The following GABRG3 variants were observed in gnomAD, a reference collection of about 807,000 sequenced individuals.
The protein encoded by GABRG3 is gamma-aminobutyric acid type A receptor subunit gamma3, also known as gamma-aminobutyric acid receptor subunit gamma-3.
Under a neutral mutation model 48.8 loss-of-function variants are expected in GABRG3, and 25 were observed. The ratio of observed to expected loss-of-function variants is 0.51; its 90% CI spans 0.37 to 0.72. The LOEUF (loss-of-function observed/expected upper bound fraction) is 0.72, where lower values mean the gene tolerates loss of function less well. Ranked by LOEUF, GABRG3 falls within the 30% of genes least tolerant of loss-of-function variation. The probability of loss-of-function intolerance (pLI) is 0.00; values close to 1 mark genes in which losing one functional copy is unlikely to be tolerated. For synonymous variants in GABRG3, 227 were observed against 217.6 expected (o/e 1.04, Z -0.38); for missense variants, 394 against 577.9 (o/e 0.68, Z 3.26).
chr15:27,339,296 A>G (rs1284092228), intron 5 of GABRG3, among the ~76,000 whole-genome samples: 1 of 152,190 alleles, frequency 6.6e-6, no homozygotes, highest in Non-Finnish European at 1.5e-5. Flanking sequence ...TCTTAAATCC[A>G]CAAACTCTGG....
chr15:27,317,593 C>T (rs907245249), intron 3 of GABRG3, among the ~76,000 whole-genome samples: 1 of 152,166 alleles, frequency 6.6e-6, no homozygotes, highest in Non-Finnish European at 1.5e-5. Context: ...TAAGCATGTT[C>T]AGTCTAAATA....
intron 3 of GABRG3, among the ~76,000 whole-genome samples, chr15:27,172,361 T>G (rs1189820473): frequency 6.6e-6 from 1 of 152,142 alleles, no homozygotes; most frequent in Non-Finnish European, 1.5e-5. Flanking sequence ...CTTAGTGGCT[T>G]TCTTGGCTCT....
At chr15:27,312,319 A>C (rs1181225858) in intron 3 of GABRG3, among the ~76,000 whole-genome samples, 1 of 152,156 alleles carries the variant, frequency 6.6e-6, no homozygotes, top group Non-Finnish European at 1.5e-5. Context: ...AGACATTATC[A>C]AGCAGATCAT....
rs775440135 is a variant in GABRG3 at position 27,527,596 on chromosome 15, T to C, written c.1029T>C (p.Cys343=). 1.9e-6 allele frequency: 3 copies of C among 1,612,702 alleles called. No homozygotes were observed. In the African/African-American group the frequency reaches 4.0e-5, roughly 22 times the overall value. The stretch of plus-strand genomic sequence containing the variant: ...CCACCCTCAACTACTATTCCAGCTG[T>C]AGAAAACCAACCACCACGAAGAAGA... The part of the protein sequence containing the change: ...EYATLNYYSS[C]RKPTTTKKTT... The change falls in exon 8 of 10, where the codon TGT becomes TGC. Residue 343 remains cysteine, a synonymous_variant. Transcript: ENST00000615808.
intron 3 of GABRG3, among the ~76,000 whole-genome samples, chr15:27,142,810 G>C (rs535759903): frequency 6.6e-6 from 1 of 151,436 alleles, no homozygotes; most frequent in Middle Eastern, 3.2e-3. Context: ...GGTTTTGTCT[G>C]TTGCCCAGAC....
Position 27,049,176 on chromosome 15 carries a change from G to C in GABRG3, c.270+22355G>C, listed in dbSNP as rs536420952. The stretch of plus-strand genomic sequence containing the variant: ...CTCTGGTGTCTCTCTCTTGATGTGC[G>C]TAACCGTTTTTGATTAGGGAGCCCT... On this transcript the variant is annotated intron_variant, in intron 3 of 9. Coordinates refer to ENST00000615808, the MANE Select transcript of GABRG3 (RefSeq NM_033223.5). 1.8e-4 allele frequency among the ~76,000 whole-genome samples: 27 copies of C among 152,326 alleles called. No individual in the cohort carries two copies. The South Asian group carries it at 5.0e-3, about 28-fold the overall frequency.
At chr15:27,381,740 G>A (rs376462614) in intron 5 of GABRG3, among the ~76,000 whole-genome samples, 13 of 152,290 alleles carry the variant, frequency 8.5e-5, no homozygotes, top group African/African-American at 2.9e-4. Context: ...GAAACCAGAA[G>A]TCCTCCTACT....
intron 5 of GABRG3, among the ~76,000 whole-genome samples, chr15:27,395,728 G>A (rs1301741199): frequency 6.6e-6 from 1 of 152,128 alleles, no homozygotes; most frequent in East Asian, 1.9e-4. Flanking sequence ...TAACTAAAAA[G>A]GGATTATGAC....
chr15:27,418,386 C>A (rs1184048801), intron 5 of GABRG3, among the ~76,000 whole-genome samples: 1 of 152,206 alleles, frequency 6.6e-6, no homozygotes, highest in African/African-American at 2.4e-5. Context: ...CAGGCCTGGC[C>A]ACCCAGACTC....
intron 3 of GABRG3, among the ~76,000 whole-genome samples, chr15:27,277,893 A>G (rs1891307633): frequency 6.6e-6 from 1 of 152,174 alleles, no homozygotes; most frequent in Non-Finnish European, 1.5e-5. Flanking sequence ...TGAAAGGTCT[A>G]GGTACTATTT....
chr15:27,307,060 C>T (rs1267273528), intron 3 of GABRG3, among the ~76,000 whole-genome samples: 3 of 114,602 alleles, frequency 2.6e-5, no homozygotes. Flanking sequence ...TATATATAAA[C>T]ATGTATAATA....
chr15:27,344,126 C>T (rs1894283777), intron 5 of GABRG3, among the ~76,000 whole-genome samples: 1 of 152,214 alleles, frequency 6.6e-6, no homozygotes, highest in Non-Finnish European at 1.5e-5. Context: ...CAGTCCTCAT[C>T]TTATGAATAA....
In GABRG3 at chr15:27,352,109, A is replaced by G. The variant is rs115980685; in HGVS notation, c.574+23221A>G. ...ATGTGTGTGTATGATGTGTGTATGTATGGTGTGTGTGTATGTATGATGTGT... is the reference window on the plus strand; with the variant it reads ...ATGTGTGTGTATGATGTGTGTATGTGTGGTGTGTGTGTATGTATGATGTGT... On this transcript the variant is annotated intron_variant, in intron 5 of 9. Transcript: ENST00000615808. The surrounding 1 kb of genome is among the most constrained non-coding windows in gnomAD (Gnocchi z 4.0). 0.017 allele frequency among the ~76,000 whole-genome samples: 2,452 copies of G among 143,164 alleles called. 69 individuals carry two copies. Among genetic ancestry groups the G allele is most frequent in the African/African-American group, 0.06 (2,316 of 38,390 alleles). The allele number at this position is 143,164 out of a possible 152,430, so 93.9% of individuals were successfully genotyped here.
chr15:27,044,409 T>A (rs1896329094), intron 3 of GABRG3, among the ~76,000 whole-genome samples: 1 of 149,574 alleles, frequency 6.7e-6, no homozygotes, highest in Non-Finnish European at 1.5e-5. Context: ...TAAAAGAAAA[T>A]ATAAATAGAT....
At chr15:27,122,534 C>G (rs1040073450) in intron 3 of GABRG3, among the ~76,000 whole-genome samples, 3 of 152,154 alleles carry the variant, frequency 2.0e-5, no homozygotes, top group Non-Finnish European at 4.4e-5. Flanking sequence ...AGGAATTATC[C>G]CTATGACTCT....
At chr15:27,502,802 C>G (rs999580438) in intron 6 of GABRG3, among the ~76,000 whole-genome samples, 1 of 152,180 alleles carries the variant, frequency 6.6e-6, no homozygotes, top group African/African-American at 2.4e-5. Flanking sequence ...TACAAATAAC[C>G]AGGCTGATGA....
At chr15:27,111,826 C>G (rs970598010) in intron 3 of GABRG3, among the ~76,000 whole-genome samples, 1 of 152,118 alleles carries the variant, frequency 6.6e-6, no homozygotes, top group African/African-American at 2.4e-5. Flanking sequence ...TGTCCCTACT[C>G]CAGTGATAGT....
chr15:27,380,743 G>T (rs1895741024), intron 5 of GABRG3, among the ~76,000 whole-genome samples: 1 of 146,250 alleles, frequency 6.8e-6, no homozygotes. Context: ...GGGGCTACGG[G>T]GGGAGAAGTG....
rs748527172 is a variant in GABRG3, at chr15:27,010,642, A to G, written c.203-16112A>G. ...TGCCTCCTTTGAGCTTCACTTTCAC[A>G]CATTTCCCTCTCCCCTTTCTCATCT... On this transcript the variant is annotated intron_variant, in intron 2 of 9. Transcript: ENST00000615808. 3.9e-4 allele frequency among the ~76,000 whole-genome samples: 59 copies of G among 151,964 alleles called. 2 individuals are homozygous for G. The highest frequency in any genetic ancestry group is 7.4e-5 in the Non-Finnish European group (5 of 67,998).
Sources: allele counts gnomAD v4.1 joint callset (sites outside exome capture counted in the v4.1 genomes callset), GRCh38; gene constraint gnomAD v4.1.1; non-coding constraint Gnocchi (gnomAD v3.1); transcripts MANE v1.5; gene names NCBI Gene and HGNC (gene_info 2026-07-23, HGNC 2026-07-21).